CSGALNACT1: variants seen among roughly 807,000 people sequenced by gnomAD.
CSGALNACT1 encodes beta4GalNAcT-1.
In CSGALNACT1, 52 loss-of-function variants were observed where a neutral mutation model predicts 51.0. The ratio of observed to expected loss-of-function variants is 1.02; its 90% CI spans 0.82 to 1.29. The LOEUF is 1.29. Ranked by LOEUF, CSGALNACT1 falls within the 50% of genes most tolerant of loss-of-function variation. The pLI is 0.00. For missense variants in CSGALNACT1, 935 were observed against 679.2 expected (o/e 1.38, Z -4.19); for synonymous variants, 341 against 254.4 (o/e 1.34, Z -3.24).
intron 3 of CSGALNACT1, among the ~76,000 whole-genome samples, chr8:19,548,901 T>C (rs2087183577): frequency 6.6e-6 from 1 of 152,140 alleles, no homozygotes; most frequent in Non-Finnish European, 1.5e-5. Flanking sequence ...TCACTGCAGC[T>C]CCCGCCTCCC....
At chr8:19,584,931 G>T (rs192752304) in intron 3 of CSGALNACT1, among the ~76,000 whole-genome samples, 32 of 152,266 alleles carry the variant, frequency 2.1e-4, no homozygotes, top group African/African-American at 7.2e-4. Context: ...GGGGCAGGGG[G>T]ACCTCAAAGT....
intron 1 of CSGALNACT1, among the ~76,000 whole-genome samples, chr8:19,722,811 G>A (rs2063199124): frequency 6.6e-6 from 1 of 152,158 alleles, no homozygotes; most frequent in Non-Finnish European, 1.5e-5. Flanking sequence ...TTAACATGTT[G>A]GGGACCAGTA....
intron 3 of CSGALNACT1, among the ~76,000 whole-genome samples, chr8:19,555,977 G>A (rs905215551): frequency 6.6e-6 from 1 of 152,138 alleles, no homozygotes; most frequent in Non-Finnish European, 1.5e-5. Context: ...CAGCCATCAG[G>A]AACCGGCATT....
At chr8:19,628,325 G>T (rs2054718677) in intron 1 of CSGALNACT1, among the ~76,000 whole-genome samples, 2 of 152,180 alleles carry the variant, frequency 1.3e-5, no homozygotes, top group South Asian at 2.1e-4. Flanking sequence ...GAGCGAGAAG[G>T]CTCAAGGGAA....
chr8:19,528,072 T>C (rs1054836628), intron 3 of CSGALNACT1, among the ~76,000 whole-genome samples: 1 of 152,148 alleles, frequency 6.6e-6, no homozygotes, highest in Non-Finnish European at 1.5e-5. Context: ...CTTCTGGAGA[T>C]GACCCACATT....
chr8:19,675,471 G>C (rs768427742), intron 1 of CSGALNACT1, among the ~76,000 whole-genome samples: 2 of 152,066 alleles, frequency 1.3e-5, no homozygotes, highest in African/African-American at 4.8e-5. Flanking sequence ...GCTGGAGAGA[G>C]AGATCCTCTA....
intron 1 of CSGALNACT1, among the ~76,000 whole-genome samples, chr8:19,631,028 T>A (rs2055182062): frequency 6.6e-6 from 1 of 152,206 alleles, no homozygotes; most frequent in South Asian, 2.1e-4. Context: ...TGTATAATGA[T>A]ATGTATCTAA....
intron 1 of CSGALNACT1, among the ~76,000 whole-genome samples, chr8:19,737,821 A>C (rs1409090486): frequency 6.6e-6 from 1 of 152,204 alleles, no homozygotes; most frequent in African/African-American, 2.4e-5. Context: ...TTATGATTCT[A>C]CTTATATGAG....
chr8:19,753,132 C>A (rs888860388), intron 1 of CSGALNACT1, among the ~76,000 whole-genome samples: 1 of 152,154 alleles, frequency 6.6e-6, no homozygotes, highest in East Asian at 1.9e-4. Flanking sequence ...CCTTTGCTAG[C>A]TGGGGGTTTG....
intron 1 of CSGALNACT1, among the ~76,000 whole-genome samples, chr8:19,675,069 A>C (rs2060078670): frequency 6.6e-6 from 1 of 152,210 alleles, no homozygotes; most frequent in African/African-American, 2.4e-5. Flanking sequence ...GGCAAGAAAT[A>C]AAAGTCTGGT....
intron 1 of CSGALNACT1, among the ~76,000 whole-genome samples, chr8:19,747,239 T>A (rs1015044014): frequency 1.6e-4 from 24 of 151,624 alleles, no homozygotes; most frequent in African/African-American, 5.1e-4. Context: ...GAGGTCAATG[T>A]CTTGAGTAGG....
At chr8:19,663,206 GATA>G (rs2058909646) in intron 1 of CSGALNACT1, among the ~76,000 whole-genome samples, 2 of 152,138 alleles carry the variant, frequency 1.3e-5, no homozygotes, top group South Asian at 4.2e-4. Context: ...TATTAAAAAA[GATA>G]ACTACACTTG....
chr8:19,417,365 A>G (rs1038356238), intron 8 of CSGALNACT1, among the ~76,000 whole-genome samples: 4 of 152,214 alleles, frequency 2.6e-5, no homozygotes, highest in Non-Finnish European at 5.9e-5. Flanking sequence ...TGAGGGCCCC[A>G]AAGTTGAAAC....
At chr8:19,661,993 G>A (rs2058775675) in intron 1 of CSGALNACT1, among the ~76,000 whole-genome samples, 1 of 150,196 alleles carries the variant, frequency 6.7e-6, no homozygotes, top group Non-Finnish European at 1.5e-5. Context: ...CACTATCCTG[G>A]GATAAGAGCT....
exon 4 of CSGALNACT1, chr8:19,505,629 C>T (rs751992659): frequency 8.7e-6 from 14 of 1,614,004 alleles, no homozygotes; most frequent in South Asian, 7.7e-5. Flanking sequence ...CACGTAGTTG[C>T]GGTGCTGCTC....
intron 1 of CSGALNACT1, among the ~76,000 whole-genome samples, chr8:19,658,581 A>C (rs1296331820): frequency 6.6e-6 from 1 of 152,032 alleles, no homozygotes; most frequent in East Asian, 1.9e-4. Context: ...TGAAATCACA[A>C]AAGTTAGCTG....
At chr8:19,584,356 T>C (rs1035375832) in intron 3 of CSGALNACT1, among the ~76,000 whole-genome samples, 1 of 152,202 alleles carries the variant, frequency 6.6e-6, no homozygotes, top group Non-Finnish European at 1.5e-5. Context: ...TGCAAGTCTA[T>C]GGTGATTTTC....
chr8:19,447,641 G>C (rs894831687), intron 5 of CSGALNACT1, among the ~76,000 whole-genome samples: 2 of 152,218 alleles, frequency 1.3e-5, no homozygotes, highest in Non-Finnish European at 2.9e-5. Context: ...CAGATCTCCA[G>C]ACCTTGCCAG....
chr8:19,528,814 C>T (rs895044426), intron 3 of CSGALNACT1, among the ~76,000 whole-genome samples: 1 of 152,132 alleles, frequency 6.6e-6, no homozygotes, highest in Non-Finnish European at 1.5e-5. Context: ...CTGGAGGGAA[C>T]TGACAGAACT....
Sources: gnomAD v4.1 joint callset for allele counts (sites outside exome capture counted in the v4.1 genomes callset) on GRCh38, gnomAD v4.1.1 for gene constraint, MANE v1.5 for transcripts, NCBI Gene and HGNC (gene_info 2026-07-23, HGNC 2026-07-21) for gene names.